Variants in SPATA1 observed in about 807,000 individuals in gnomAD.
SPATA1 encodes spermatogenesis associated 1.
SPATA1 carries 57 observed loss-of-function variants against 59.6 expected under a neutral mutation model. That is an observed-to-expected ratio of 0.96 (90% CI 0.77 to 1.19). SPATA1 has a LOEUF of 1.19. SPATA1 is among the 50% of genes most tolerant of loss of function. The probability of loss-of-function intolerance (pLI) is 0.00; values close to 1 mark genes in which losing one functional copy is unlikely to be tolerated. For synonymous variants in SPATA1, 147 were observed against 163.9 expected (o/e 0.90, Z 0.79); for missense variants, 448 against 480.7 (o/e 0.93, Z 0.64).
chr1:84,550,549 A>T lies in SPATA1; in HGVS notation c.1224+19A>T, dbSNP rs1166576985. The T allele has an allele frequency of 2.7e-6, 4 of 1,496,268 alleles. No homozygotes were observed. In the South Asian group the frequency reaches 5.4e-5, roughly 20 times the overall value. 92.7% of individuals were successfully genotyped at this position (1,496,268 alleles called of 1,614,324 possible). On this transcript the variant is annotated intron_variant, in intron 12 of 12. Coordinates refer to ENST00000490879, the Ensembl canonical transcript of SPATA1. The stretch of plus-strand genomic sequence containing the variant: ...AGTTAAGGTAATTTACATTTTTCCT[A>T]ATCAGATTATTATAACATTTATCTT...
exon 3 of SPATA1, chr1:84,520,619 G>T: frequency 6.4e-7 from 1 of 1,574,660 alleles, no homozygotes; most frequent in Non-Finnish European, 8.6e-7. Flanking sequence ...GTCCCTGAAG[G>T]ATCATGGAAC....
At chr1:84,563,881 A>C in intron 4 of SPATA1, 1 of 1,572,986 alleles carries the variant, frequency 6.4e-7, no homozygotes, top group Non-Finnish European at 8.6e-7. Context: ...TCATATGTCA[A>C]TGTGTTCATA....
chr1:84,541,159 A>T (rs1455358538), intron 8 of SPATA1, among the ~76,000 whole-genome samples: 1 of 152,234 alleles, frequency 6.6e-6, no homozygotes, highest in Non-Finnish European at 1.5e-5. Context: ...TTAATGTGTA[A>T]TAGTTTTAGC....
chr1:84,563,909 C>A, intron 4 of SPATA1: 1 of 1,437,318 alleles, frequency 7.0e-7, no homozygotes, highest in South Asian at 1.7e-5. Context: ...TGCAACCGTT[C>A]AGAATCTGTT....
intron 8 of SPATA1, among the ~76,000 whole-genome samples, chr1:84,543,893 G>T (rs765655980): frequency 6.6e-6 from 1 of 152,120 alleles, no homozygotes; most frequent in Non-Finnish European, 1.5e-5. Context: ...AGGCATCTTA[G>T]AAAATATTTA....
chr1:84,529,028 C>A (rs1200153001), intron 6 of SPATA1, among the ~76,000 whole-genome samples: 1 of 151,930 alleles, frequency 6.6e-6, no homozygotes, highest in Non-Finnish European at 1.5e-5. Flanking sequence ...TATATATATT[C>A]TTATACATAC....
intron 1 of SPATA1, among the ~76,000 whole-genome samples, chr1:84,508,965 C>A (rs1002638446): frequency 3.9e-5 from 6 of 152,072 alleles, no homozygotes; most frequent in African/African-American, 1.4e-4. Context: ...TTGGAAGATT[C>A]AATATAGTTA....
chr1:84,508,313 C>CT (rs1164154401), intron 1 of SPATA1, among the ~76,000 whole-genome samples: 1 of 151,664 alleles, frequency 6.6e-6, no homozygotes, highest in Non-Finnish European at 1.5e-5. Flanking sequence ...ATTGAGATAA[C>CT]TTTAAGTTCA....
intron 1 of SPATA1, among the ~76,000 whole-genome samples, chr1:84,507,620 T>C (rs929574249): frequency 2.6e-5 from 4 of 152,262 alleles, no homozygotes; most frequent in Non-Finnish European, 4.4e-5. Context: ...CTTTGGTGCT[T>C]TGTTGACTGT....
intron 2 of SPATA1, among the ~76,000 whole-genome samples, chr1:84,516,894 G>A (rs1237590715): frequency 6.6e-6 from 1 of 151,976 alleles, no homozygotes; most frequent in Non-Finnish European, 1.5e-5. Flanking sequence ...AATTTCAAGT[G>A]GAATCTTTTT....
intron 4 of SPATA1, chr1:84,563,906 G>A (rs964005147): frequency 8.3e-5 from 120 of 1,442,276 alleles, no homozygotes; most frequent in African/African-American, 2.3e-4. Context: ...CTATGCAACC[G>A]TTCAGAATCT....
At chr1:84,520,481 T>C in intron 2 of SPATA1, 104 bp from the exon 3 acceptor site, 2 of 736,056 alleles carry the variant, frequency 2.7e-6, no homozygotes, top group Non-Finnish European at 4.2e-6. Flanking sequence ...GTATTCCATG[T>C]TTTTTTTCTA....
intron 2 of SPATA1, among the ~76,000 whole-genome samples, chr1:84,519,318 A>G (rs1682922781): frequency 6.6e-6 from 1 of 152,078 alleles, no homozygotes; most frequent in African/African-American, 2.4e-5. Flanking sequence ...GTAAGATTAT[A>G]ATAAATTAGC....
chr1:84,520,327 A>C, intron 2 of SPATA1: 1 of 326,888 alleles, frequency 3.1e-6, no homozygotes, highest in Non-Finnish European at 5.5e-6. Context: ...AGAAAAAAAC[A>C]CCATATGCCA....
downstream of SPATA1, among the ~76,000 whole-genome samples, chr1:84,558,456 A>AT (rs1435158892): frequency 6.7e-5 from 10 of 150,284 alleles, no homozygotes; most frequent in Non-Finnish European, 1.3e-4. Context: ...CGCCCGGCTA[A>AT]TTTTTTTTGT....
intron 4 of SPATA1, among the ~76,000 whole-genome samples, chr1:84,525,375 G>C (rs1032482124): frequency 2.0e-5 from 3 of 152,148 alleles, no homozygotes; most frequent in African/African-American, 4.8e-5. Context: ...CAGATGACCT[G>C]GTTTTGAATC....
At chr1:84,564,506 G>A (rs1684652802) in intron 4 of SPATA1, among the ~76,000 whole-genome samples, 1 of 152,134 alleles carries the variant, frequency 6.6e-6, no homozygotes. Flanking sequence ...GGTGGGGTAT[G>A]TATCAGTTCC....
rs77516354 is a variant in SPATA1 at position 84,559,844 on chromosome 1, G to A, written n.442+3865G>A. ...CCATGCGTGTAATCCCAGGCCTTTGGGAGGCCAAGGTAGGCGGATCACTTG... is the reference window on the plus strand; with the variant it reads ...CCATGCGTGTAATCCCAGGCCTTTGAGAGGCCAAGGTAGGCGGATCACTTG... On this transcript the variant is annotated intron_variant and non_coding_transcript_variant, in intron 4 of 4. Coordinates refer to the SPATA1 transcript ENST00000460286. 8.7e-3 allele frequency among the ~76,000 whole-genome samples: 1,324 copies of A among 152,162 alleles called. 18 individuals carry two copies. Among genetic ancestry groups the A allele is most frequent in the African/African-American group, 0.03 (1,250 of 41,510 alleles).
chr1:84,509,025 C>A (rs752098047), intron 1 of SPATA1, among the ~76,000 whole-genome samples: 3 of 152,054 alleles, frequency 2.0e-5, no homozygotes, highest in Non-Finnish European at 4.4e-5. Context: ...CAATCTCTAT[C>A]AAAATACCAA....
Sources: allele counts gnomAD v4.1 joint callset (sites outside exome capture counted in the v4.1 genomes callset), GRCh38; gene constraint gnomAD v4.1.1; transcripts MANE v1.5; gene names NCBI Gene and HGNC (gene_info 2026-07-23, HGNC 2026-07-21).